HM13: variants seen among roughly 807,000 people sequenced by gnomAD.
HM13 encodes histocompatibility minor 13, also known as signal peptide peptidase.
HM13 carries 18 observed loss-of-function variants against 50.0 expected under a neutral mutation model. The ratio of observed to expected loss-of-function variants is 0.36; its 90% CI spans 0.25 to 0.53. The LOEUF is 0.53. HM13 is among the 20% of genes least tolerant of loss of function. The pLI, the probability that HM13 is intolerant of heterozygous loss-of-function variation, is 0.90. For synonymous variants in HM13, 197 were observed against 232.6 expected (o/e 0.85, Z 1.39); for missense variants, 393 against 552.4 (o/e 0.71, Z 2.89).
intron 6 of HM13, 142 bp from the exon 7 acceptor site, chr20:31,549,922 C>T: frequency 2.8e-6 from 2 of 708,196 alleles, no homozygotes; most frequent in Non-Finnish European, 5.2e-6. Context: ...GGCCACCTCA[C>T]CTCAGCTTCA....
chr20:31,547,888 G>A (rs1983812608), intron 4 of HM13: 1 of 1,036,370 alleles, frequency 9.6e-7, no homozygotes, highest in Admixed American at 1.7e-5. Flanking sequence ...TGCTGCAGTA[G>A]ATACGATTGT....
In HM13 at chr20:31,561,998, C is replaced by T. The variant is rs540284366; in HGVS notation, c.948+262C>T. ...GCTGCCTTCATCAGGAAGGCAGGAA[C>T]TTTCCCAGAACCCTTTCAGCATCTC... is the stretch of plus-strand genomic sequence containing the variant. On this transcript the variant is annotated intron_variant, in intron 10 of 12. Transcript: ENST00000398174. 2.0e-5 allele frequency among the ~76,000 whole-genome samples: 3 copies of T among 152,306 alleles called. No homozygotes were observed. In the South Asian group the frequency reaches 6.2e-4, roughly 32 times the overall value.
intron 4 of HM13, among the ~76,000 whole-genome samples, chr20:31,545,274 A>G (rs1983650271): frequency 6.6e-6 from 1 of 152,164 alleles, no homozygotes; most frequent in African/African-American, 2.4e-5. Context: ...CTGTAAAATG[A>G]AAGTGTTAAT....
intron 1 of HM13, among the ~76,000 whole-genome samples, chr20:31,519,413 C>A (rs537845640): frequency 6.6e-6 from 1 of 152,254 alleles, no homozygotes; most frequent in Non-Finnish European, 1.5e-5. Context: ...TACACTCTTC[C>A]TTGCACCTTG....
At chr20:31,541,653 A>T (rs1292954574) in intron 3 of HM13, 1 of 152,246 alleles carries the variant, frequency 6.6e-6, no homozygotes, top group Admixed American at 6.5e-5. Flanking sequence ...ATCCAGTGAA[A>T]ATAATTTTAG....
Position 31,514,833 on chromosome 20 carries a change from G to A in HM13, c.183+99G>A. The A allele has an allele frequency of 2.6e-6, 3 of 1,159,568 alleles. No homozygotes were observed. Among genetic ancestry groups the A allele is most frequent in the South Asian group, 1.6e-5 (1 of 63,272 alleles). 71.8% of individuals were successfully genotyped at this position (1,159,568 alleles called of 1,614,324 possible). A position where few individuals can be genotyped will look rare whatever the true frequency, so the allele number is the denominator to read the frequency against. On this transcript the variant is annotated intron_variant, in intron 1 of 12. Transcript: ENST00000398174. This position sits in a 1 kb window ranked among gnomAD's most constrained non-coding sequence, Gnocchi z 4.3. ...GGACAGACACCTCTCCCCGGACACT[G>A]ACTCTTCCCAGCCCTGATCACCACC...
At chr20:31,558,227 A>C (rs1390542154) in intron 8 of HM13, among the ~76,000 whole-genome samples, 1 of 152,176 alleles carries the variant, frequency 6.6e-6, no homozygotes, top group Non-Finnish European at 1.5e-5. Flanking sequence ...TTCAGAGTGC[A>C]GTGGGTGGAC....
intron 9 of HM13, 37 bp from the exon 10 acceptor site, chr20:31,561,597 C>A: frequency 1.4e-6 from 2 of 1,415,794 alleles, no homozygotes; most frequent in Non-Finnish European, 2.0e-6. Context: ...GTCCCTATAT[C>A]TAACCCTCCT....
intron 3 of HM13, among the ~76,000 whole-genome samples, chr20:31,544,149 C>T (rs933210377): frequency 6.6e-6 from 1 of 152,256 alleles, no homozygotes; most frequent in Non-Finnish European, 1.5e-5. Context: ...TGAAATGGCT[C>T]TCCCACAGCC....
chr20:31,535,080 C>T (rs7266743), intron 2 of HM13, among the ~76,000 whole-genome samples: 6 of 149,666 alleles, frequency 4.0e-5, no homozygotes, highest in Non-Finnish European at 7.4e-5. Context: ...AGCAAGACTC[C>T]GTCTCAAAAA....
chr20:31,567,914 A>C, intron 11 of HM13, 164 bp from the exon 12 acceptor site: 1 of 638,098 alleles, frequency 1.6e-6, no homozygotes, highest in African/African-American at 1.8e-5. Flanking sequence ...TTCTTTTTTC[A>C]TTCTCCAAAT....
At chr20:31,539,464 C>A (rs573195723) in intron 3 of HM13, 28 of 985,412 alleles carry the variant, frequency 2.8e-5, no homozygotes, top group African/African-American at 1.6e-4. Context: ...AGTTTGTGCA[C>A]ATTGAGGGCA....
chr20:31,527,829 CA>C (rs143479746), intron 2 of HM13: 1 of 454,828 alleles, frequency 2.2e-6, no homozygotes, highest in African/African-American at 2.1e-5. Flanking sequence ...AGTTTGGTTT[CA>C]TTGTACTGTT....
At chr20:31,566,841 A>G (rs1387689506) in intron 11 of HM13, among the ~76,000 whole-genome samples, 1 of 151,600 alleles carries the variant, frequency 6.6e-6, no homozygotes, top group African/African-American at 2.4e-5. Context: ...ATCCACACCT[A>G]CCACACCCTG....
chr20:31,543,342 A>G (rs1299126744), intron 3 of HM13, among the ~76,000 whole-genome samples: 75 of 152,160 alleles, frequency 4.9e-4, no homozygotes, highest in Middle Eastern at 3.4e-3. Context: ...CTGGAGTGCA[A>G]TGGCACAATC....
intron 9 of HM13, among the ~76,000 whole-genome samples, 155 bp downstream of exon 9, chr20:31,559,802 C>G (rs1984511569): frequency 6.6e-6 from 1 of 152,194 alleles, no homozygotes; most frequent in African/African-American, 2.4e-5. Flanking sequence ...TCTTGAAGTT[C>G]TAAGTATTTG....
chr20:31,566,326 T>C (rs753099960), intron 11 of HM13, 31 bp downstream of exon 11: 13 of 1,558,736 alleles, frequency 8.3e-6, no homozygotes, highest in Admixed American at 1.7e-5. Context: ...GATGTCCTCA[T>C]GGGCACCAGT....
intron 8 of HM13, among the ~76,000 whole-genome samples, chr20:31,558,491 T>G (rs1427749950): frequency 6.6e-6 from 1 of 152,070 alleles, no homozygotes; most frequent in Non-Finnish European, 1.5e-5. Flanking sequence ...TAGTGACCCC[T>G]CAGTCCCTGC....
At chr20:31,515,779 A>G (rs1251296312) in intron 1 of HM13, among the ~76,000 whole-genome samples, 6 of 151,934 alleles carry the variant, frequency 3.9e-5, no homozygotes, top group Admixed American at 3.3e-4. Context: ...CGTTGTACCA[A>G]TGACTTTTCA....
Sources: allele counts gnomAD v4.1 joint callset (sites outside exome capture counted in the v4.1 genomes callset), GRCh38; gene constraint gnomAD v4.1.1; non-coding constraint Gnocchi (gnomAD v3.1); transcripts MANE v1.5; gene names NCBI Gene and HGNC (gene_info 2026-07-23, HGNC 2026-07-21).